E2F8: variants seen among roughly 807,000 people sequenced by gnomAD.
E2F8 encodes the protein transcription factor E2F8.
A neutral mutation model predicts 80.8 loss-of-function variants in E2F8; 35 were observed. The observed-to-expected ratio is 0.43, with a 90% CI of 0.33 to 0.57. The LOEUF is 0.57. Among genes scored for constraint, E2F8 ranks in the 20% least tolerant of loss-of-function variants. The pLI, the probability that E2F8 is intolerant of heterozygous loss-of-function variation, is 0.04. For synonymous variants in E2F8, 386 were observed against 395.0 expected (o/e 0.98, Z 0.27); for missense variants, 975 against 1,056.2 (o/e 0.92, Z 1.07).
intron 7 of E2F8, among the ~76,000 whole-genome samples, chr11:19,231,204 A>G (rs1851371524): frequency 6.6e-6 from 1 of 152,202 alleles, no homozygotes; most frequent in Admixed American, 6.5e-5. Context: ...CTGTTCCTCA[A>G]GAAATGCAGC....
chr11:19,240,113 G>T lies in E2F8; in HGVS notation c.9C>A (p.Asn3Lys). 1 of 1,525,446 alleles carries T rather than the reference G, an allele frequency of 6.6e-7. No individual in the cohort carries two copies. Among genetic ancestry groups the T allele is most frequent in the Non-Finnish European group, 8.8e-7 (1 of 1,132,474 alleles). 94.5% of individuals were successfully genotyped at this position (1,525,446 alleles called of 1,614,324 possible). ...TACTGAAGTTATAAAGTACCTTTTC[G>T]TTCTCCATTCTGTAAATTCCTCATA... ME[N>K]EKENLFCEPH... Residue 3 changes from asparagine to lysine, a missense_variant, in exon 2 of 13, where the codon AAC becomes AAA. Asn to Lys is a moderately conservative substitution (Grantham distance 94, BLOSUM62 0). Transcript: ENST00000250024.
rs150255844 is a variant in E2F8, at chr11:19,224,693, G to A, written c.2569C>T (p.Arg857Ter). The change falls in exon 13 of 13, where the codon CGA becomes TGA. Residue 857 changes from arginine to a stop codon, truncating the protein, a stop_gained. Coordinates refer to ENST00000250024, the MANE Select transcript of E2F8 (RefSeq NM_024680.4). LOFTEE classifies it high-confidence loss of function. ...TSLGTLFVPQ[R>*]KLEVSTEDVH ...TCCTCTGTTGAGACTTCCAGTTTTC[G>A]CTGTGGGACAAAGAGAGTTCCTAAG... The A allele has an allele frequency of 1.6e-4, 255 of 1,613,972 alleles. No individual in the cohort carries two copies. Among genetic ancestry groups the A allele is most frequent in the Non-Finnish European group, 2.1e-4 (242 of 1,180,000 alleles).
chr11:19,230,746 T>C lies in E2F8; in HGVS notation c.1155A>G (p.Thr385=), dbSNP rs140933620. The C allele has an allele frequency of 5.0e-6, 8 of 1,614,008 alleles. No homozygotes were observed. The highest frequency in any genetic ancestry group is 1.3e-5 in the African/African-American group (1 of 74,934). Residue 385 remains threonine (T), a synonymous_variant, in exon 8 of 13, where the codon ACA becomes ACG. Transcript: ENST00000250024. ...KENCAKNLFS[T]RGKPNFTRHP... ...GTCGAGTAAAGTTTGGTTTCCCACG[T>C]GTGGAAAAGAGGTTTTTGGCACAGT... is the stretch of plus-strand genomic sequence containing the variant.
chr11:19,230,954 C>T (rs1851364813), intron 7 of E2F8, 120 bp from the exon 8 acceptor site: 2 of 833,176 alleles, frequency 2.4e-6, no homozygotes, highest in African/African-American at 3.4e-5. Flanking sequence ...ATGTGCCTGT[C>T]ACTGTTCTAA....
rs1851204511 is a variant in E2F8 at position 19,225,348 on chromosome 11, A to G, written c.2294T>C (p.Ile765Thr). Residue 765 changes from isoleucine to threonine, a missense_variant, in exon 12 of 13, where the codon ATA becomes ACA. Coordinates refer to ENST00000250024, the MANE Select transcript of E2F8 (RefSeq NM_024680.4). Reference sequence around the variant, plus strand: ...TTCTGGTGCGACATTAACAGACTCTATTCTTGGAGACACAGGAACGATTCC... The same window carrying G: ...TTCTGGTGCGACATTAACAGACTCTGTTCTTGGAGACACAGGAACGATTCC... ...GSGIVPVSPR[I>T]ESVNVAPENA... The G allele has an allele frequency of 1.9e-6, 3 of 1,614,112 alleles. No individual in the cohort carries two copies. Among genetic ancestry groups the G allele is most frequent in the Non-Finnish European group, 2.5e-6 (3 of 1,180,020 alleles).
intron 10 of E2F8, chr11:19,226,181 C>G (rs1199714021): frequency 3.6e-6 from 1 of 277,848 alleles, no homozygotes; most frequent in Non-Finnish European, 6.8e-6. Context: ...GATAACTTAA[C>G]TCTTGCTACT....
chr11:19,232,664 A>T (rs1003828372), intron 6 of E2F8, among the ~76,000 whole-genome samples: 1 of 152,238 alleles, frequency 6.6e-6, no homozygotes, highest in Non-Finnish European at 1.5e-5. Context: ...TATGTTACAG[A>T]CTGTTTCAAA....
intron 8 of E2F8, 78 bp downstream of exon 8, chr11:19,230,553 G>C (rs1851351021): frequency 6.8e-7 from 1 of 1,478,892 alleles, no homozygotes. Flanking sequence ...GACAACTATT[G>C]CAAGGATCAA....
Position 19,237,894 on chromosome 11 carries a change from T to C in E2F8, c.254A>G (p.Asp85Gly). 6.2e-7 allele frequency: 1 copy of C among 1,614,126 alleles called. No homozygotes were observed. The highest frequency in any genetic ancestry group is 8.5e-7 in the Non-Finnish European group (1 of 1,180,038). The change falls in exon 3 of 13, where the codon GAC becomes GGC. Residue 85 changes from aspartate to glycine, a missense_variant. By Grantham distance (94) the Asp-to-Gly change is moderately conservative. Coordinates refer to ENST00000250024, the MANE Select transcript of E2F8 (RefSeq NM_024680.4). ...GGCCTCAGGTAATCCACTTCTGTTG[T>C]CAAACAAACCCCTTTTCTGATCTCT... ...RNRDQKRGLF[D>G]NRSGLPEAKD...
chr11:19,231,813 C>G (rs897705855), intron 7 of E2F8, among the ~76,000 whole-genome samples: 7 of 152,134 alleles, frequency 4.6e-5, no homozygotes, highest in Non-Finnish European at 1.0e-4. Flanking sequence ...GCTGATGGAG[C>G]CAGTAGCCAA....
At position 19,224,441 on chromosome 11, in the gene E2F8, A is replaced by G; in HGVS notation, c.*217T>C. 4.7e-6 allele frequency: 2 copies of G among 429,758 alleles called. No individual in the cohort carries two copies. The highest frequency in any genetic ancestry group is 4.0e-5 in the Admixed American group (1 of 25,152). The allele number at this position is 429,758 out of a possible 1,614,324, so 26.6% of individuals were successfully genotyped here. A position where few individuals can be genotyped will look rare whatever the true frequency, so the allele number is the denominator to read the frequency against. ...ATTTTACTTTTATTTTGTAGGATTG[A>G]AAGCTAAACTTAGCTTTATACAAAT... On this transcript the variant is annotated 3_prime_UTR_variant, in exon 13 of 13. Coordinates refer to ENST00000250024, the MANE Select transcript of E2F8 (RefSeq NM_024680.4).
intron 2 of E2F8, among the ~76,000 whole-genome samples, chr11:19,238,461 C>G (rs1276079086): frequency 6.6e-6 from 1 of 152,226 alleles, no homozygotes; most frequent in Non-Finnish European, 1.5e-5. Flanking sequence ...GAAGCAAAGA[C>G]AGTATAGAGT....
intron 6 of E2F8, among the ~76,000 whole-genome samples, chr11:19,233,984 C>T (rs536670441): frequency 5.3e-5 from 8 of 150,938 alleles, no homozygotes; most frequent in African/African-American, 1.9e-4. Flanking sequence ...CCCGTCTCCA[C>T]TAAAAATATA....
Position 19,232,304 on chromosome 11 carries a change from A to G in E2F8, c.996T>C (p.His332=), listed in dbSNP as rs1235597295. Residue 332 remains histidine (H), a synonymous_variant, in exon 7 of 13, where the codon CAT becomes CAC. Transcript: ENST00000250024. ...GTTTTCGGCCTCTTTCCTCTGTAACATGAACTTTCTTGATAAGATCCAGGC... is the reference window on the plus strand; with the variant it reads ...GTTTTCGGCCTCTTTCCTCTGTAACGTGAACTTTCTTGATAAGATCCAGGC... ...LSSLDLIKKV[H]VTEERGRKPA... 3.1e-6 allele frequency: 5 copies of G among 1,614,052 alleles called. No individual in the cohort carries two copies. Among genetic ancestry groups the G allele is most frequent in the East Asian group, 2.2e-5 (1 of 44,898 alleles).
At chr11:19,234,572 G>T in intron 5 of E2F8, 51 bp from the exon 6 acceptor site, 1 of 1,594,482 alleles carries the variant, frequency 6.3e-7, no homozygotes, top group South Asian at 1.1e-5. Flanking sequence ...AGGGACAAGT[G>T]ACTTCTAAAG....
At chr11:19,230,197 G>A in intron 9 of E2F8, 44 bp downstream of exon 9, 1 of 1,583,648 alleles carries the variant, frequency 6.3e-7, no homozygotes, top group South Asian at 1.1e-5. Context: ...ACAATGTAAT[G>A]TAAAAGTAAT....
chr11:19,237,762 G>T, intron 3 of E2F8, 92 bp downstream of exon 3: 5 of 1,488,470 alleles, frequency 3.4e-6, no homozygotes, highest in Non-Finnish European at 3.6e-6. Flanking sequence ...GGGTGGTGAT[G>T]CTTTAAATTG....
At chr11:19,232,838 A>G (rs961083793) in intron 6 of E2F8, among the ~76,000 whole-genome samples, 10 of 152,106 alleles carry the variant, frequency 6.6e-5, no homozygotes, top group Non-Finnish European at 1.5e-4. Context: ...CTCCATCAAC[A>G]TGTGTAATTT....
rs1431691912 is a variant in E2F8 at position 19,230,774 on chromosome 11, T to A, written c.1127A>T (p.Glu376Val). The A allele has an allele frequency of 1.9e-6, 3 of 1,614,222 alleles. No individual in the cohort carries two copies. The highest frequency in any genetic ancestry group is 2.5e-6 in the Non-Finnish European group (3 of 1,180,040). ...SDLEVRRSSK[E>V]NCAKNLFSTR... Reference sequence around the variant, plus strand: ...GGAAAAGAGGTTTTTGGCACAGTTCTCTTTTGAAGACCGTCTCACCTCCAA... The same window carrying A: ...GGAAAAGAGGTTTTTGGCACAGTTCACTTTTGAAGACCGTCTCACCTCCAA... The change falls in exon 8 of 13, where the codon GAG becomes GTG. Residue 376 changes from glutamate to valine, a missense_variant. Glu to Val is a moderately radical substitution (Grantham distance 121). Transcript: ENST00000250024.
Sources: allele counts gnomAD v4.1 joint callset (sites outside exome capture counted in the v4.1 genomes callset), GRCh38; gene constraint gnomAD v4.1.1; transcripts MANE v1.5; gene names NCBI Gene and HGNC (gene_info 2026-07-23, HGNC 2026-07-21).